The following MAPK10 variants were observed in gnomAD, a reference collection of about 807,000 sequenced individuals.
MAPK10 encodes the protein mitogen-activated protein kinase 10.
A neutral mutation model predicts 59.3 loss-of-function variants in MAPK10; 25 were observed. The observed-to-expected ratio is 0.42, with a 90% CI of 0.31 to 0.59. The LOEUF is 0.59. Among genes scored for constraint, MAPK10 ranks in the 20% least tolerant of loss-of-function variants. MAPK10 has a pLI of 0.15. For missense variants in MAPK10, 351 were observed against 568.9 expected, an observed-to-expected ratio of 0.62 and a Z score of 3.90; for synonymous variants, 190 against 200.5, an observed-to-expected ratio of 0.95 and a Z score of 0.44.
At chr4:86,398,720 C>T (rs1330807114) in intron 1 of MAPK10, among the ~76,000 whole-genome samples, 1 of 152,142 alleles carries the variant, frequency 6.6e-6, no homozygotes, top group African/African-American at 2.4e-5. Context: ...GTAGTGAGCA[C>T]AGCACCCAAT....
At chr4:86,568,588 A>G (rs925892814) in intron 1 of MAPK10, among the ~76,000 whole-genome samples, 1 of 152,166 alleles carries the variant, frequency 6.6e-6, no homozygotes, top group African/African-American at 2.4e-5. Flanking sequence ...TACTAGTATA[A>G]AAATGGACAC....
At chr4:86,165,641 T>C (rs1265602572) in intron 3 of MAPK10, among the ~76,000 whole-genome samples, 1 of 139,658 alleles carries the variant, frequency 7.2e-6, no homozygotes, top group African/African-American at 2.6e-5. Flanking sequence ...CCTCAAACAA[T>C]TCTCCCGCCT....
intron 2 of MAPK10, among the ~76,000 whole-genome samples, chr4:86,291,591 G>A (rs192039613): frequency 3.4e-4 from 51 of 152,108 alleles, no homozygotes; most frequent in Non-Finnish European, 6.0e-4. Context: ...AGACATGGCA[G>A]TAAAAAACTA....
intron 1 of MAPK10, among the ~76,000 whole-genome samples, chr4:86,443,603 CCACACACACACACAAA>C (rs1749674798): frequency 6.6e-6 from 1 of 151,488 alleles, no homozygotes; most frequent in Non-Finnish European, 1.5e-5. Flanking sequence ...CCCTTTCCCA[CCACACACACACACAAA>C]CACACACACA....
intron 1 of MAPK10, among the ~76,000 whole-genome samples, chr4:86,511,574 G>A (rs537396947): frequency 6.8e-6 from 1 of 147,724 alleles, no homozygotes. Context: ...CTTCAAAAAA[G>A]AAAAAACAAG....
intron 1 of MAPK10, chr4:86,392,376 T>A (rs1161830643): frequency 6.6e-6 from 1 of 150,792 alleles, no homozygotes; most frequent in Non-Finnish European, 1.5e-5. Context: ...GAGGTGGAGG[T>A]TGTTGCAGTG....
intron 1 of MAPK10, among the ~76,000 whole-genome samples, chr4:86,579,751 T>C (rs1309539646): frequency 6.6e-6 from 1 of 152,138 alleles, no homozygotes; most frequent in African/African-American, 2.4e-5. Context: ...TTTTTAAGTT[T>C]TTCACTTCTC....
chr4:86,183,103 G>A (rs1358685729), intron 3 of MAPK10, among the ~76,000 whole-genome samples: 1 of 151,588 alleles, frequency 6.6e-6, no homozygotes, highest in Non-Finnish European at 1.5e-5. Context: ...CTTGAAATAT[G>A]TAAAACATTA....
At chr4:86,189,949 A>G (rs974095361) in intron 3 of MAPK10, among the ~76,000 whole-genome samples, 4 of 152,300 alleles carry the variant, frequency 2.6e-5, no homozygotes, top group South Asian at 2.1e-4. Flanking sequence ...GAGAGTTTTT[A>G]GCATGAATGG....
chr4:86,333,171 A>G (rs1176735372), intron 2 of MAPK10, among the ~76,000 whole-genome samples: 1 of 152,182 alleles, frequency 6.6e-6, no homozygotes, highest in Admixed American at 6.6e-5. Flanking sequence ...TACTTTATAA[A>G]TATGTTAGGC....
intron 2 of MAPK10, among the ~76,000 whole-genome samples, chr4:86,216,623 A>C (rs887770181): frequency 6.6e-6 from 1 of 151,984 alleles, no homozygotes; most frequent in Non-Finnish European, 1.5e-5. Flanking sequence ...TTACCACAGC[A>C]TTATTTATAA....
At chr4:86,580,972 T>C (rs1762223193) in intron 1 of MAPK10, among the ~76,000 whole-genome samples, 1 of 152,202 alleles carries the variant, frequency 6.6e-6, no homozygotes, top group Non-Finnish European at 1.5e-5. Context: ...CCTTCCAAGA[T>C]TCTCCCAGAG....
intron 1 of MAPK10, among the ~76,000 whole-genome samples, chr4:86,465,899 C>T (rs540615762): frequency 9.2e-5 from 14 of 152,212 alleles, no homozygotes; most frequent in South Asian, 6.2e-4. Context: ...TCACAGATGG[C>T]GGAAGAAAAC....
rs1196894621 is a variant in MAPK10, at chr4:86,271,552, A to G, written c.-6-77145T>C. ...GTACAAATGATCCTGTGACCCAGGTAGTGAGCATGATGCCTGTATTAGTCC... is the reference window on the plus strand; with the variant it reads ...GTACAAATGATCCTGTGACCCAGGTGGTGAGCATGATGCCTGTATTAGTCC... On this transcript the variant is annotated intron_variant, in intron 2 of 13. Transcript: ENST00000641462. Among the ~76,000 whole-genome samples, 3 of 152,010 alleles carry G rather than the reference A, an allele frequency of 2.0e-5. No individual in the cohort carries two copies. The South Asian group carries it at 6.2e-4, about 31-fold the overall frequency.
At chr4:86,426,127 A>G (rs1579174075) in intron 1 of MAPK10, among the ~76,000 whole-genome samples, 1 of 152,090 alleles carries the variant, frequency 6.6e-6, no homozygotes, top group Non-Finnish European at 1.5e-5. Context: ...AATTATGGAT[A>G]TTTATTTTGC....
intron 1 of MAPK10, among the ~76,000 whole-genome samples, chr4:86,367,846 T>C (rs573246948): frequency 1.3e-5 from 2 of 152,244 alleles, no homozygotes; most frequent in East Asian, 1.9e-4. Flanking sequence ...TCAGTCATCA[T>C]TGGCTACTAT....
At chr4:86,025,930 G>GA (rs1421298228) in intron 13 of MAPK10, among the ~76,000 whole-genome samples, 2 of 152,028 alleles carry the variant, frequency 1.3e-5, no homozygotes, top group Admixed American at 6.5e-5. Context: ...GCACAAGAAT[G>GA]AAAAAATAGT....
At chr4:86,546,083 T>C (rs1376395831) in intron 1 of MAPK10, among the ~76,000 whole-genome samples, 1 of 150,848 alleles carries the variant, frequency 6.6e-6, no homozygotes, top group Non-Finnish European at 1.5e-5. Context: ...TTTAGCCGGG[T>C]GTGGTGTTGG....
At chr4:86,094,461 A>G (rs1316391494) in intron 9 of MAPK10, among the ~76,000 whole-genome samples, 1 of 151,988 alleles carries the variant, frequency 6.6e-6, no homozygotes, top group Non-Finnish European at 1.5e-5. Flanking sequence ...CCTGTCTTTA[A>G]CTTTATATCC....
Sources: gnomAD v4.1 joint callset for allele counts (sites outside exome capture counted in the v4.1 genomes callset) on GRCh38, gnomAD v4.1.1 for gene constraint, MANE v1.5 for transcripts, NCBI Gene and HGNC (gene_info 2026-07-23, HGNC 2026-07-21) for gene names.